NCKAP5: variants seen among roughly 807,000 people sequenced by gnomAD.
NCKAP5 encodes nck-associated protein 5.
In NCKAP5, 92 loss-of-function variants were observed where a neutral mutation model predicts 167.0. The observed-to-expected ratio is 0.55, with a 90% CI of 0.47 to 0.66. NCKAP5 has a LOEUF of 0.66. Among genes scored for constraint, NCKAP5 ranks in the 30% least tolerant of loss-of-function variants. The pLI is 0.00. For missense variants in NCKAP5, 2,378 were observed against 2,315.0 expected (o/e 1.03, Z -0.56); for synonymous variants, 891 against 877.4 (o/e 1.02, Z -0.27).
chr2:133,035,107 G>A lies in NCKAP5; in HGVS notation c.342-40868C>T, dbSNP rs546320255. Among the ~76,000 whole-genome samples the A allele has an allele frequency of 2.6e-5, 4 of 152,082 alleles. No individual in the cohort carries two copies. The East Asian group carries it at 5.8e-4, about 22-fold the overall frequency. On this transcript the variant is annotated intron_variant, in intron 6 of 19. Coordinates refer to ENST00000409261, the MANE Select transcript of NCKAP5 (RefSeq NM_207363.3). ...CAAAGGAAATCAAAAAAGAGCAGGAGTTGCTATACTTCTATCAAACAAATC... is the reference window on the plus strand; with the variant it reads ...CAAAGGAAATCAAAAAAGAGCAGGAATTGCTATACTTCTATCAAACAAATC...
At chr2:133,583,792 C>T in the NCKAP5 span, among the ~76,000 whole-genome samples, 1 of 151,918 alleles carries the variant, frequency 6.6e-6, no homozygotes, top group Admixed American at 6.5e-5. Flanking sequence ...CTCGCTCTGT[C>T]GCCCAGGCTG....
chr2:133,028,157 G>C (rs915671770), intron 6 of NCKAP5, among the ~76,000 whole-genome samples: 2 of 151,856 alleles, frequency 1.3e-5, no homozygotes, highest in African/African-American at 4.8e-5. Context: ...TCTGAATAAG[G>C]GATACTTATC....
intron 7 of NCKAP5, among the ~76,000 whole-genome samples, chr2:132,966,213 C>T (rs553767891): frequency 3.4e-4 from 52 of 152,280 alleles, no homozygotes; most frequent in African/African-American, 1.1e-3. Context: ...AATTCTCCTG[C>T]CTCAGCCTCC....
At chr2:133,528,594 T>C (rs1299191836) in intron 2 of NCKAP5, among the ~76,000 whole-genome samples, 1 of 152,194 alleles carries the variant, frequency 6.6e-6, no homozygotes, top group African/African-American at 2.4e-5. Flanking sequence ...AACTTATCTA[T>C]GTACATGTAA....
intron 3 of NCKAP5, among the ~76,000 whole-genome samples, chr2:133,444,555 T>A (rs1351410704): frequency 1.3e-5 from 2 of 152,138 alleles, no homozygotes; most frequent in Admixed American, 6.5e-5. Flanking sequence ...AACCCTGCCC[T>A]CCTTATCCCA....
At chr2:133,552,947 A>G (rs974702065) in intron 2 of NCKAP5, among the ~76,000 whole-genome samples, 35 of 152,186 alleles carry the variant, frequency 2.3e-4, no homozygotes, top group African/African-American at 8.4e-4. Context: ...AGCAAGTAGA[A>G]GTCAGAGCCC....
chr2:133,418,943 CA>C (rs1323936358), intron 3 of NCKAP5, among the ~76,000 whole-genome samples: 2 of 152,140 alleles, frequency 1.3e-5, no homozygotes, highest in African/African-American at 2.4e-5. Flanking sequence ...AAGCCTTCTA[CA>C]GAGAAAATTC....
At chr2:133,637,882 C>A in the NCKAP5 span, among the ~76,000 whole-genome samples, 1 of 151,942 alleles carries the variant, frequency 6.6e-6, no homozygotes, top group East Asian at 1.9e-4. Context: ...AAAAATGTCC[C>A]CTCTCTGAAT....
chr2:132,854,657 C>G (rs1689324166), intron 11 of NCKAP5, among the ~76,000 whole-genome samples: 1 of 152,228 alleles, frequency 6.6e-6, no homozygotes, highest in African/African-American at 2.4e-5. Flanking sequence ...TGTCTCTGCT[C>G]AGCTGCTATA....
intron 6 of NCKAP5, among the ~76,000 whole-genome samples, chr2:133,039,877 A>G: frequency 6.6e-6 from 1 of 152,194 alleles, no homozygotes; most frequent in East Asian, 1.9e-4. Flanking sequence ...TAACATATCT[A>G]TGCATAACAG....
At chr2:133,552,824 G>A (rs894772639) in intron 2 of NCKAP5, among the ~76,000 whole-genome samples, 8 of 151,746 alleles carry the variant, frequency 5.3e-5, no homozygotes, top group East Asian at 3.9e-4. Context: ...GCAGATGAAC[G>A]AACACTCTTT....
intron 3 of NCKAP5, among the ~76,000 whole-genome samples, chr2:133,374,916 C>T (rs887064337): frequency 6.6e-5 from 10 of 152,252 alleles, no homozygotes; most frequent in East Asian, 3.9e-4. Context: ...GTCTTTTCTG[C>T]GCTCCGAAAT....
At chr2:133,279,633 C>T (rs1014852995) in intron 4 of NCKAP5, among the ~76,000 whole-genome samples, 7 of 152,054 alleles carry the variant, frequency 4.6e-5, no homozygotes, top group African/African-American at 1.7e-4. Flanking sequence ...TGACAATGGC[C>T]CAGGGCCAAC....
intron 5 of NCKAP5, among the ~76,000 whole-genome samples, chr2:133,152,268 G>A (rs938449442): frequency 6.6e-6 from 1 of 152,122 alleles, no homozygotes; most frequent in Non-Finnish European, 1.5e-5. Context: ...GGCGCCAGAG[G>A]AATGTGAGCT....
intron 6 of NCKAP5, among the ~76,000 whole-genome samples, chr2:133,009,769 C>A (rs552917806): frequency 6.6e-6 from 1 of 152,202 alleles, no homozygotes. Context: ...GAGAGTTGAG[C>A]ATCAACAGAG....
intron 16 of NCKAP5, among the ~76,000 whole-genome samples, chr2:132,745,972 A>G (rs957945352): frequency 3.3e-5 from 5 of 152,050 alleles, no homozygotes; most frequent in Non-Finnish European, 2.9e-5. Flanking sequence ...GGATCAGAAG[A>G]CTCAAAATTG....
chr2:133,128,967 T>A (rs113342293), intron 6 of NCKAP5, among the ~76,000 whole-genome samples: 47 of 128,466 alleles, frequency 3.7e-4, no homozygotes, highest in Middle Eastern at 4.3e-3. Context: ...TTTTTTTTTT[T>A]ACTACTCCTT....
At chr2:132,978,823 C>T (rs757680713) in intron 7 of NCKAP5, among the ~76,000 whole-genome samples, 4 of 152,214 alleles carry the variant, frequency 2.6e-5, no homozygotes, top group Non-Finnish European at 5.9e-5. Flanking sequence ...CTGCCCACAA[C>T]AACCCTGAAG....
At chr2:132,983,135 A>G (rs2149273319) in intron 7 of NCKAP5, among the ~76,000 whole-genome samples, 1 of 152,268 alleles carries the variant, frequency 6.6e-6, no homozygotes, top group Non-Finnish European at 1.5e-5. Flanking sequence ...TAGAAATGCT[A>G]CTGATTTTTG....
Sources: gnomAD v4.1 joint callset for allele counts (sites outside exome capture counted in the v4.1 genomes callset) on GRCh38, gnomAD v4.1.1 for gene constraint, MANE v1.5 for transcripts, NCBI Gene and HGNC (gene_info 2026-07-23, HGNC 2026-07-21) for gene names.